The following B3GALT1 variants were observed in gnomAD, a reference collection of about 807,000 sequenced individuals.
The protein encoded by B3GALT1 is UDP-Gal:betaGlcNAc beta 1,3-galactosyltransferase, polypeptide 1.
A neutral mutation model predicts 23.2 loss-of-function variants in B3GALT1; 10 were observed. The ratio of observed to expected loss-of-function variants is 0.43; its 90% CI spans 0.27 to 0.73. The LOEUF (loss-of-function observed/expected upper bound fraction) is 0.73, where lower values mean the gene tolerates loss of function less well. Ranked by LOEUF, B3GALT1 falls within the 30% of genes least tolerant of loss-of-function variation. The pLI is 0.21. For missense variants in B3GALT1, 299 were observed against 405.4 expected (o/e 0.74, Z 2.25); for synonymous variants, 156 against 141.5 (o/e 1.10, Z -0.73).
intron 1 of B3GALT1, among the ~76,000 whole-genome samples, chr2:167,298,053 T>C (rs1290406255): frequency 5.3e-5 from 8 of 152,138 alleles, no homozygotes; most frequent in African/African-American, 1.9e-4. Flanking sequence ...TCTTTCTGCC[T>C]AAATGCAAAA....
At chr2:167,498,835 C>A (rs1699810874) in intron 2 of B3GALT1, among the ~76,000 whole-genome samples, 4 of 152,084 alleles carry the variant, frequency 2.6e-5, no homozygotes. Flanking sequence ...AAACCACTGT[C>A]AAGAAAGGAC....
intron 4 of B3GALT1, among the ~76,000 whole-genome samples, chr2:167,853,457 A>G (rs1689942504): frequency 6.6e-6 from 1 of 152,190 alleles, no homozygotes; most frequent in African/African-American, 2.4e-5. Flanking sequence ...GTAGTATCAT[A>G]CAAGTGGTAC....
intron 1 of B3GALT1, among the ~76,000 whole-genome samples, chr2:167,298,317 A>G (rs1392341734): frequency 6.6e-6 from 1 of 152,150 alleles, no homozygotes; most frequent in East Asian, 1.9e-4. Context: ...TGAAGTATAT[A>G]AGTTAACACT....
At chr2:167,564,003 G>A (rs1307208452) in intron 2 of B3GALT1, among the ~76,000 whole-genome samples, 6 of 143,398 alleles carry the variant, frequency 4.2e-5, no homozygotes, top group East Asian at 4.7e-4. Flanking sequence ...ACGGGGGGCC[G>A]ACCCTCCCAC....
At chr2:167,366,656 C>T (rs1335067990) in intron 1 of B3GALT1, among the ~76,000 whole-genome samples, 1 of 152,206 alleles carries the variant, frequency 6.6e-6, no homozygotes, top group East Asian at 1.9e-4. Flanking sequence ...TCTCATATGT[C>T]TGCAACTTGG....
chr2:167,773,893 C>T (rs926423286), intron 3 of B3GALT1, among the ~76,000 whole-genome samples: 13 of 152,158 alleles, frequency 8.5e-5, no homozygotes, highest in Non-Finnish European at 1.5e-4. Flanking sequence ...TGTCTTCTGA[C>T]GTAGAGGATG....
intron 3 of B3GALT1, among the ~76,000 whole-genome samples, chr2:167,702,161 G>A (rs898106185): frequency 2.0e-5 from 3 of 152,084 alleles, no homozygotes; most frequent in Non-Finnish European, 4.4e-5. Context: ...GCTTCCTGAG[G>A]AACTCTTATC....
chr2:167,809,355 G>A lies in B3GALT1; in HGVS notation c.-351-9317G>A, dbSNP rs191961806. Among the ~76,000 whole-genome samples the A allele has an allele frequency of 2.5e-3, 379 of 152,326 alleles. 4 individuals are homozygous for A. Among genetic ancestry groups the A allele is most frequent in the South Asian group, 0.012 (58 of 4,828 alleles). On this transcript the variant is annotated intron_variant, in intron 3 of 4. Coordinates refer to ENST00000392690, the MANE Select transcript of B3GALT1 (RefSeq NM_020981.4). The stretch of plus-strand genomic sequence containing the variant: ...GCTGCATTCCTTTGGAGGAGGAGGG[G>A]CACTCTGATTTTTAGAGTTTCCAGT...
intron 4 of B3GALT1, among the ~76,000 whole-genome samples, chr2:167,853,766 AG>A (rs2105420412): frequency 6.6e-6 from 1 of 152,278 alleles, no homozygotes; most frequent in South Asian, 2.1e-4. Context: ...AAATGAACTA[AG>A]TAAATTCTCA....
intron 1 of B3GALT1, among the ~76,000 whole-genome samples, chr2:167,475,605 C>T (rs1231234490): frequency 6.6e-6 from 1 of 152,046 alleles, no homozygotes; most frequent in East Asian, 1.9e-4. Context: ...GCCTGATAAG[C>T]ACTTGGTTAA....
intron 3 of B3GALT1, among the ~76,000 whole-genome samples, chr2:167,709,500 C>G (rs1024009719): frequency 2.0e-5 from 3 of 152,090 alleles, no homozygotes; most frequent in Non-Finnish European, 4.4e-5. Flanking sequence ...TTTGAGTATG[C>G]TAAAATTGTG....
intron 3 of B3GALT1, among the ~76,000 whole-genome samples, chr2:167,746,588 T>G (rs2105281753): frequency 6.6e-6 from 1 of 152,358 alleles, no homozygotes; most frequent in East Asian, 1.9e-4. Context: ...TTCAGAAATA[T>G]GTGACAATGG....
chr2:167,408,807 A>AAAC (rs1553517663), intron 1 of B3GALT1, among the ~76,000 whole-genome samples: 5,008 of 137,984 alleles, frequency 0.036, 200 homozygotes, highest in African/African-American at 0.082. Context: ...ACAAAAAAAA[A>AAAC]AAAAAACAAA....
chr2:167,512,650 A>ATTTT lies in B3GALT1; in HGVS notation c.-410+22374_-410+22377dup, dbSNP rs1351913159. On this transcript the variant is annotated intron_variant, in intron 2 of 4. Transcript: ENST00000392690. ...TATATATATATACATATATATATAT[A>ATTTT]TTTTGAGATAGGGTCTCATTCAGTT... Among the ~76,000 whole-genome samples the ATTTT allele has an allele frequency of 7.3e-3, 872 of 119,600 alleles. 17 individuals are homozygous for ATTTT. Among genetic ancestry groups the ATTTT allele is most frequent in the East Asian group, 0.013 (45 of 3,414 alleles). The allele number at this position is 119,600 out of a possible 152,430, so 78.5% of individuals were successfully genotyped here.
At chr2:167,638,199 A>G (rs542300765) in intron 2 of B3GALT1, among the ~76,000 whole-genome samples, 43 of 152,048 alleles carry the variant, frequency 2.8e-4, no homozygotes, top group Non-Finnish European at 5.6e-4. Flanking sequence ...AAGCTCAGAG[A>G]TCCATAATTT....
intron 3 of B3GALT1, among the ~76,000 whole-genome samples, chr2:167,780,889 G>T (rs1023073633): frequency 6.6e-6 from 1 of 152,194 alleles, no homozygotes; most frequent in Non-Finnish European, 1.5e-5. Flanking sequence ...AACATATTTT[G>T]TAAGTCAATA....
intron 1 of B3GALT1, among the ~76,000 whole-genome samples, chr2:167,314,448 C>G (rs1001682208): frequency 6.6e-6 from 1 of 152,116 alleles, no homozygotes; most frequent in African/African-American, 2.4e-5. Flanking sequence ...ATATGTTTGC[C>G]AGCTCCTCTG....
chr2:167,415,755 AT>A (rs1200141311), intron 1 of B3GALT1, among the ~76,000 whole-genome samples: 16 of 152,336 alleles, frequency 1.1e-4, no homozygotes, highest in Non-Finnish European at 1.2e-4. Flanking sequence ...GGAACAAGGT[AT>A]TGGAAACTGG....
intron 1 of B3GALT1, among the ~76,000 whole-genome samples, chr2:167,477,565 A>G (rs1699504917): frequency 6.6e-6 from 1 of 152,216 alleles, no homozygotes; most frequent in Admixed American, 6.5e-5. Flanking sequence ...AGTCTGAAAT[A>G]TATTACTTAG....
Sources: gnomAD v4.1 joint callset for allele counts (sites outside exome capture counted in the v4.1 genomes callset) on GRCh38, gnomAD v4.1.1 for gene constraint, MANE v1.5 for transcripts, NCBI Gene and HGNC (gene_info 2026-07-23, HGNC 2026-07-21) for gene names.